CNOT4: variants seen among roughly 807,000 people sequenced by gnomAD.
CNOT4 encodes the protein CCR4-associated factor 4.
CNOT4 carries 8 observed loss-of-function variants against 73.8 expected under a neutral mutation model. The observed-to-expected ratio is 0.11, with a 90% confidence interval of 0.06 to 0.20. The LOEUF is 0.20. Among genes scored for constraint, CNOT4 ranks in the 10% least tolerant of loss-of-function variants. The probability of loss-of-function intolerance (pLI) is 1.00; values close to 1 mark genes in which losing one functional copy is unlikely to be tolerated. For synonymous variants in CNOT4, 293 were observed against 321.1 expected, an observed-to-expected ratio of 0.91 and a Z score of 0.94; for missense variants, 564 against 883.4, an observed-to-expected ratio of 0.64 and a Z score of 4.58.
intron 1 of CNOT4, among the ~76,000 whole-genome samples, chr7:135,485,981 G>A (rs1327417548): frequency 1.3e-5 from 2 of 152,080 alleles, no homozygotes; most frequent in African/African-American, 2.4e-5. Flanking sequence ...ACCCTACAAA[G>A]AGGATGAAAA....
At chr7:135,386,154 T>C (rs913031140) in intron 10 of CNOT4, 5 of 118,274 alleles carry the variant, frequency 4.2e-5, no homozygotes, top group South Asian at 4.8e-4. Flanking sequence ...GCAGCTGTTC[T>C]TTTTTTTTTT....
chr7:135,408,673 T>C (rs534270714), intron 7 of CNOT4, among the ~76,000 whole-genome samples: 15 of 152,142 alleles, frequency 9.9e-5, no homozygotes, highest in Admixed American at 9.2e-4. Context: ...ATGGGACAAT[T>C]TGGACATGTC....
intron 2 of CNOT4, among the ~76,000 whole-genome samples, chr7:135,428,200 G>A (rs184406338): frequency 6.6e-6 from 1 of 152,306 alleles, no homozygotes; most frequent in African/African-American, 2.4e-5. Flanking sequence ...GCACATGGCA[G>A]CCCTAATGCC....
At chr7:135,387,082 T>C in intron 10 of CNOT4, 1 of 984,706 alleles carries the variant, frequency 1.0e-6, no homozygotes, top group Non-Finnish European at 1.2e-6. Flanking sequence ...AAGTGAAGTC[T>C]TGGCCTCTTA....
intron 10 of CNOT4, among the ~76,000 whole-genome samples, chr7:135,365,758 T>C (rs1218940342): frequency 2.6e-5 from 4 of 152,186 alleles, no homozygotes; most frequent in Non-Finnish European, 5.9e-5. Context: ...CCACTGGCCA[T>C]GATTAGCAGA....
In CNOT4 at chr7:135,362,535, C is replaced by T. The variant is rs1794693297; in HGVS notation, c.*350G>A. 4 of 392,004 alleles carry T rather than the reference C, an allele frequency of 1.0e-5. No homozygotes were observed. Among genetic ancestry groups the T allele is most frequent in the Middle Eastern group, 8.1e-4 (1 of 1,236 alleles). The allele number at this position is 392,004 out of a possible 1,614,324, so 24.3% of individuals were successfully genotyped here. On this transcript the variant is annotated 3_prime_UTR_variant, in exon 12 of 12. Transcript: ENST00000541284. Reference sequence around the variant, plus strand: ...TACTTGAGCTTTCCTATAGATTAATCGTCATTTTCTGCTAAGCAGATTATG... The same window carrying T: ...TACTTGAGCTTTCCTATAGATTAATTGTCATTTTCTGCTAAGCAGATTATG...
intron 2 of CNOT4, among the ~76,000 whole-genome samples, chr7:135,425,059 A>G (rs956777240): frequency 1.3e-5 from 2 of 152,222 alleles, no homozygotes; most frequent in South Asian, 4.1e-4. Flanking sequence ...TGGACTCTGC[A>G]GAATAAGATA....
At chr7:135,507,920 T>G (rs977196519) in intron 1 of CNOT4, among the ~76,000 whole-genome samples, 1 of 151,984 alleles carries the variant, frequency 6.6e-6, no homozygotes, top group African/African-American at 2.4e-5. Flanking sequence ...GTTCTAAGAG[T>G]AGGTATTTAT....
At chr7:135,367,658 C>A (rs1028534593) in intron 10 of CNOT4, among the ~76,000 whole-genome samples, 2 of 152,140 alleles carry the variant, frequency 1.3e-5, no homozygotes, top group Non-Finnish European at 2.9e-5. Context: ...AGGAACTAGC[C>A]CTGTGTACTA....
In CNOT4 at chr7:135,498,813, C is replaced by CTGGG. The variant is rs778235078; in HGVS notation, c.-93+11072_-93+11075dup. Among the ~76,000 whole-genome samples the CTGGG allele has an allele frequency of 5.3e-4, 80 of 152,136 alleles. 1 individual carries two copies. Among genetic ancestry groups the CTGGG allele is most frequent in the Non-Finnish European group, 1.2e-4 (8 of 68,038 alleles). ...CCACCTGCCTCGGCCTCCCAAAGTG[C>CTGGG]TGGGATTAAAAGACTGCCAGCTTTA... is the stretch of plus-strand genomic sequence containing the variant. On this transcript the variant is annotated intron_variant, in intron 1 of 11. Transcript: ENST00000541284.
Position 135,495,688 on chromosome 7 carries a change from A to G in CNOT4, c.-93+14201T>C, listed in dbSNP as rs868185677. Among the ~76,000 whole-genome samples the G allele has an allele frequency of 4.5e-3, 239 of 53,262 alleles. 8 individuals carry two copies. The highest frequency in any genetic ancestry group is 0.016 in the African/African-American group (228 of 14,372). The allele number at this position is 53,262 out of a possible 152,430, so 34.9% of individuals were successfully genotyped here. A position where few individuals can be genotyped will look rare whatever the true frequency, so the allele number is the denominator to read the frequency against. On this transcript the variant is annotated intron_variant, in intron 1 of 11. Transcript: ENST00000541284. ...CTGTGTCAAAAAAAAAAAAAAAAAA[A>G]AAAAAGAAAGAAAGAAAGAAAGAAA... is the stretch of plus-strand genomic sequence containing the variant.
intron 1 of CNOT4, among the ~76,000 whole-genome samples, chr7:135,439,306 T>C (rs1414044241): frequency 1.3e-5 from 2 of 152,128 alleles, no homozygotes; most frequent in Non-Finnish European, 2.9e-5. Context: ...GACAAACTGA[T>C]CCTAAAGGTT....
chr7:135,488,546 G>C (rs1040896996), intron 1 of CNOT4, among the ~76,000 whole-genome samples: 1 of 152,244 alleles, frequency 6.6e-6, no homozygotes, highest in African/African-American at 2.4e-5. Flanking sequence ...AAAGCTAATA[G>C]TGGCTGTTAG....
At chr7:135,420,416 A>C (rs942178070) in intron 3 of CNOT4, among the ~76,000 whole-genome samples, 4 of 151,910 alleles carry the variant, frequency 2.6e-5, no homozygotes, top group African/African-American at 9.7e-5. Context: ...ATCTCTGCAA[A>C]AAATACAAAA....
chr7:135,421,503 G>T (rs967490574), intron 3 of CNOT4, among the ~76,000 whole-genome samples: 1 of 152,112 alleles, frequency 6.6e-6, no homozygotes, highest in East Asian at 1.9e-4. Flanking sequence ...GGGCCTCAAG[G>T]AAAGTATGAG....
intron 3 of CNOT4, among the ~76,000 whole-genome samples, chr7:135,419,416 T>A (rs1173018653): frequency 6.6e-6 from 1 of 152,116 alleles, no homozygotes; most frequent in Non-Finnish European, 1.5e-5. Context: ...TTCCAAATAC[T>A]AAAAAGGTTA....
rs1585576371 is a variant in CNOT4 at position 135,393,864 on chromosome 7, C to T, written c.1627+54G>A. 3 of 1,325,458 alleles carry T rather than the reference C, an allele frequency of 2.3e-6. No individual in the cohort carries two copies. The East Asian group carries it at 6.9e-5, about 31-fold the overall frequency. 82.1% of individuals were successfully genotyped at this position (1,325,458 alleles called of 1,614,324 possible). On this transcript the variant is annotated intron_variant, in intron 10 of 11. Transcript: ENST00000541284. ...AACAGTTACTTCCCTATCCACCCAA[C>T]AACCTGAAAATATGAGTTATTCAAA... is the stretch of plus-strand genomic sequence containing the variant.
At chr7:135,430,896 ATC>A (rs1458089015) in intron 2 of CNOT4, among the ~76,000 whole-genome samples, 2 of 152,224 alleles carry the variant, frequency 1.3e-5, no homozygotes, top group Non-Finnish European at 2.9e-5. Context: ...GAACAAAGAT[ATC>A]TTTCTTATCA....
chr7:135,417,060 G>C (rs1797913249), intron 3 of CNOT4, among the ~76,000 whole-genome samples: 1 of 152,158 alleles, frequency 6.6e-6, no homozygotes, highest in African/African-American at 2.4e-5. Flanking sequence ...TGGTACCTGA[G>C]TTGCCAATTC....
Sources: gnomAD v4.1 joint callset for allele counts (sites outside exome capture counted in the v4.1 genomes callset) on GRCh38, gnomAD v4.1.1 for gene constraint, MANE v1.5 for transcripts, NCBI Gene and HGNC (gene_info 2026-07-23, HGNC 2026-07-21) for gene names.